The following MBOAT2 variants were observed in gnomAD, a reference collection of about 807,000 sequenced individuals.
The protein encoded by MBOAT2 is membrane bound glycerophospholipid O-acyltransferase 2.
In MBOAT2, 28 loss-of-function variants were observed where a neutral mutation model predicts 63.4. That is an observed-to-expected ratio of 0.44 (90% CI 0.33 to 0.61). The LOEUF is 0.61. MBOAT2 is among the 20% of genes least tolerant of loss of function. The probability of loss-of-function intolerance (pLI) is 0.03; values close to 1 mark genes in which losing one functional copy is unlikely to be tolerated. For synonymous variants in MBOAT2, 211 were observed against 215.6 expected (o/e 0.98, Z 0.19); for missense variants, 470 against 605.8 (o/e 0.78, Z 2.35).
intron 1 of MBOAT2, among the ~76,000 whole-genome samples, chr2:8,962,441 T>C (rs1282347212): frequency 6.6e-6 from 1 of 152,226 alleles, no homozygotes; most frequent in African/African-American, 2.4e-5. Flanking sequence ...GGACGAGTTT[T>C]GGTTGGTGAA....
chr2:8,952,878 T>C (rs1015302281), intron 2 of MBOAT2, among the ~76,000 whole-genome samples: 2 of 152,146 alleles, frequency 1.3e-5, no homozygotes, highest in Non-Finnish European at 2.9e-5. Flanking sequence ...ATGTGTGAGA[T>C]GGGGCTCTTG....
chr2:8,905,331 T>C lies in MBOAT2; in HGVS notation c.395+3290A>G, dbSNP rs181188659. On this transcript the variant is annotated intron_variant, in intron 4 of 12. Transcript: ENST00000305997. ...TGTCTCTAGGTGGCTTTTTCTCCCT[T>C]GTGCCCATTAAAAAACAAAACAAAA... Among the ~76,000 whole-genome samples, 10 of 152,200 alleles carry C rather than the reference T, an allele frequency of 6.6e-5. No homozygotes were observed. The East Asian group carries it at 1.9e-3, about 29-fold the overall frequency.
intron 4 of MBOAT2, among the ~76,000 whole-genome samples, chr2:8,894,262 G>T (rs1441710357): frequency 2.6e-5 from 4 of 152,180 alleles, no homozygotes; most frequent in Non-Finnish European, 5.9e-5. Context: ...AGGGAGAAAG[G>T]CTTGGTTCGG....
At chr2:8,951,098 G>A (rs1274603394) in intron 2 of MBOAT2, among the ~76,000 whole-genome samples, 1 of 151,950 alleles carries the variant, frequency 6.6e-6, no homozygotes, top group Non-Finnish European at 1.5e-5. Context: ...TCTTTGTTGT[G>A]TCTGCCAGGT....
At chr2:8,885,060 C>T (rs1036996343) in intron 5 of MBOAT2, among the ~76,000 whole-genome samples, 2 of 152,190 alleles carry the variant, frequency 1.3e-5, no homozygotes, top group Non-Finnish European at 2.9e-5. Flanking sequence ...ACGGGTAGTC[C>T]AGTGATTCTA....
At chr2:8,883,124 C>T (rs1227399585) in intron 5 of MBOAT2, among the ~76,000 whole-genome samples, 1 of 151,662 alleles carries the variant, frequency 6.6e-6, no homozygotes, top group African/African-American at 2.4e-5. Context: ...TACCTCAAAT[C>T]CAATTTAAAG....
chr2:8,937,940 G>A (rs917529533), intron 3 of MBOAT2, among the ~76,000 whole-genome samples: 8 of 152,232 alleles, frequency 5.3e-5, no homozygotes, highest in African/African-American at 1.7e-4. Flanking sequence ...GCAAGATCAC[G>A]TCAAACAGTG....
intron 3 of MBOAT2, among the ~76,000 whole-genome samples, chr2:8,930,770 C>T (rs1459692346): frequency 6.6e-6 from 1 of 151,652 alleles, no homozygotes; most frequent in Non-Finnish European, 1.5e-5. Flanking sequence ...TGCTAAATGA[C>T]GAGTTAATGG....
chr2:8,989,803 G>A (rs1240001468), intron 1 of MBOAT2, among the ~76,000 whole-genome samples: 1 of 152,190 alleles, frequency 6.6e-6, no homozygotes, highest in African/African-American at 2.4e-5. Flanking sequence ...GGGAACAAGC[G>A]CTGCACCAGA....
chr2:8,928,725 G>A (rs1667105831), intron 3 of MBOAT2, among the ~76,000 whole-genome samples: 1 of 151,924 alleles, frequency 6.6e-6, no homozygotes, highest in South Asian at 2.1e-4. Flanking sequence ...CAACTCTACT[G>A]AATGTCTGAC....
rs980079781 is a variant in MBOAT2 at position 8,975,832 on chromosome 2, T to C, written c.76-17190A>G. On this transcript the variant is annotated intron_variant, in intron 1 of 12. Coordinates refer to ENST00000305997, the MANE Select transcript of MBOAT2 (RefSeq NM_138799.4). The stretch of plus-strand genomic sequence containing the variant: ...AAAAAAAACGATGGCCACTAAGTCT[T>C]ATGTTAGGCAGAGAAATAGCATCAT... Among the ~76,000 whole-genome samples, 15 of 151,648 alleles carry C rather than the reference T, an allele frequency of 9.9e-5. 1 individual carries two copies. The highest frequency in any genetic ancestry group is 8.5e-4 in the Admixed American group (13 of 15,234).
chr2:8,957,323 A>C (rs1400049741), intron 2 of MBOAT2, among the ~76,000 whole-genome samples: 1 of 152,240 alleles, frequency 6.6e-6, no homozygotes, highest in Non-Finnish European at 1.5e-5. Flanking sequence ...GTGATGATAT[A>C]AATGTGATGT....
At chr2:8,894,423 G>C (rs747757659) in intron 4 of MBOAT2, among the ~76,000 whole-genome samples, 1 of 152,198 alleles carries the variant, frequency 6.6e-6, no homozygotes, top group Non-Finnish European at 1.5e-5. Flanking sequence ...AATGGGCCAG[G>C]ATAAAGGCCC....
At chr2:8,998,613 G>A (rs1672471614) in intron 1 of MBOAT2, among the ~76,000 whole-genome samples, 1 of 151,316 alleles carries the variant, frequency 6.6e-6, no homozygotes, top group African/African-American at 2.4e-5. Context: ...GAAGAGCGGG[G>A]GGCGGGGGTT....
At chr2:9,001,619 C>G (rs963419685) in intron 1 of MBOAT2, among the ~76,000 whole-genome samples, 1 of 152,184 alleles carries the variant, frequency 6.6e-6, no homozygotes, top group African/African-American at 2.4e-5. Context: ...CAACTTAAGA[C>G]CTTTAGCTAA....
intron 1 of MBOAT2, among the ~76,000 whole-genome samples, chr2:8,978,306 A>C (rs1230529434): frequency 6.6e-6 from 1 of 152,080 alleles, no homozygotes; most frequent in Non-Finnish European, 1.5e-5. Context: ...ACCATTCACA[A>C]CTCAAATAAC....
chr2:8,974,403 G>T (rs979647963), intron 1 of MBOAT2: 2 of 456,408 alleles, frequency 4.4e-6, no homozygotes, highest in African/African-American at 2.0e-5. Flanking sequence ...ACACGGAAGG[G>T]GAAAGACACC....
chr2:8,920,413 G>A (rs148958940), intron 3 of MBOAT2, among the ~76,000 whole-genome samples: 104 of 152,276 alleles, frequency 6.8e-4, no homozygotes, highest in African/African-American at 2.2e-3. Context: ...TATGCCAATA[G>A]CACAGTGTCT....
In MBOAT2 at chr2:9,003,504, G is replaced by A; in HGVS notation, c.75+36C>T. On this transcript the variant is annotated intron_variant, in intron 1 of 12. Coordinates refer to ENST00000305997, the MANE Select transcript of MBOAT2 (RefSeq NM_138799.4). The surrounding 1 kb of genome is among the most constrained non-coding windows in gnomAD (Gnocchi z 5.4). Reference sequence around the variant, plus strand: ...GCACCGCGGCGGGGAGGGGCGGCGAGGGCGCGACGCCCGGCGCCAGGGCGC... The same window carrying A: ...GCACCGCGGCGGGGAGGGGCGGCGAAGGCGCGACGCCCGGCGCCAGGGCGC... 1 of 1,172,400 alleles carries A rather than the reference G, an allele frequency of 8.5e-7. No individual in the cohort carries two copies. Among genetic ancestry groups the A allele is most frequent in the African/African-American group, 1.6e-5 (1 of 61,902 alleles). 72.6% of individuals were successfully genotyped at this position (1,172,400 alleles called of 1,614,324 possible). A position where few individuals can be genotyped will look rare whatever the true frequency, so the allele number is the denominator to read the frequency against.
Sources: gnomAD v4.1 joint callset for allele counts (sites outside exome capture counted in the v4.1 genomes callset) on GRCh38, gnomAD v4.1.1 for gene constraint, Gnocchi (gnomAD v3.1) non-coding constraint, MANE v1.5 for transcripts, NCBI Gene and HGNC (gene_info 2026-07-23, HGNC 2026-07-21) for gene names.